The following SPATA6L variants were observed in gnomAD, a reference collection of about 807,000 sequenced individuals.
SPATA6L encodes the protein spermatogenesis associated 6-like protein.
A neutral mutation model predicts 49.2 loss-of-function variants in SPATA6L; 68 were observed. The observed-to-expected ratio is 1.38, with a 90% CI of 1.14 to 1.69. SPATA6L has a LOEUF of 1.69. SPATA6L is among the 40% of genes most tolerant of loss of function. SPATA6L has a pLI of 0.00. For missense variants in SPATA6L, 668 were observed against 464.3 expected, an observed-to-expected ratio of 1.44 and a Z score of -4.03; for synonymous variants, 198 against 165.7, an observed-to-expected ratio of 1.19 and a Z score of -1.50.
At chr9:4,626,677 A>T in intron 5 of SPATA6L, 4 of 865,890 alleles carry the variant, frequency 4.6e-6, no homozygotes, top group Non-Finnish European at 6.3e-6. Flanking sequence ...TGTTACAGTC[A>T]CAAGTTTGGT....
intron 3 of SPATA6L, among the ~76,000 whole-genome samples, chr9:4,639,682 C>T (rs920583767): frequency 3.3e-5 from 5 of 152,214 alleles, no homozygotes; most frequent in African/African-American, 1.2e-4. Flanking sequence ...CAATGTTCTT[C>T]TTAAGAGCTA....
At chr9:4,644,554 C>T (rs896435863) in intron 3 of SPATA6L, among the ~76,000 whole-genome samples, 41 of 151,958 alleles carry the variant, frequency 2.7e-4, no homozygotes, top group African/African-American at 9.4e-4. Context: ...TGTGGGAATG[C>T]TTTTTACAAG....
intron 2 of SPATA6L, among the ~76,000 whole-genome samples, chr9:4,660,095 A>G (rs1396070929): frequency 6.6e-6 from 1 of 152,264 alleles, no homozygotes; most frequent in Non-Finnish European, 1.5e-5. Context: ...AAACCTAAGC[A>G]ATACCATTCA....
chr9:4,659,249 C>T (rs1293433299), intron 2 of SPATA6L, among the ~76,000 whole-genome samples: 4 of 152,146 alleles, frequency 2.6e-5, no homozygotes, highest in South Asian at 4.1e-4. Context: ...TCTTCATCTC[C>T]ACTGTCAACC....
At chr9:4,604,694 A>G (rs1247565866) in intron 10 of SPATA6L, among the ~76,000 whole-genome samples, 1 of 152,256 alleles carries the variant, frequency 6.6e-6, no homozygotes. Flanking sequence ...CTGCAAATCT[A>G]GCATATGTCA....
At chr9:4,663,337 C>G (rs1334727882) in intron 1 of SPATA6L, 2 of 1,472,300 alleles carry the variant, frequency 1.4e-6, no homozygotes, top group East Asian at 2.3e-5. Context: ...AAACCAGCAG[C>G]CATCCCGCTT....
intron 4 of SPATA6L, among the ~76,000 whole-genome samples, chr9:4,634,810 T>G (rs1475262194): frequency 6.6e-6 from 1 of 152,184 alleles, no homozygotes; most frequent in Non-Finnish European, 1.5e-5. Context: ...TCCTTCAAGA[T>G]CCTTCAGTAA....
intron 9 of SPATA6L, among the ~76,000 whole-genome samples, chr9:4,615,384 C>G (rs531493218): frequency 8.5e-5 from 13 of 152,228 alleles, no homozygotes; most frequent in African/African-American, 2.9e-4. Flanking sequence ...TTCCTGCTTT[C>G]CGTCTTAACC....
chr9:4,594,497 C>G (rs1290750277), downstream of SPATA6L, among the ~76,000 whole-genome samples: 1 of 152,230 alleles, frequency 6.6e-6, no homozygotes, highest in Non-Finnish European at 1.5e-5. Flanking sequence ...CAGGTGTGAG[C>G]CACCGCGCCC....
intron 2 of SPATA6L, among the ~76,000 whole-genome samples, chr9:4,659,014 T>C (rs78512542): frequency 0.022 from 3,299 of 149,776 alleles, 108 homozygotes; most frequent in African/African-American, 0.076. Context: ...AATAAGAAAA[T>C]TATTGGGATG....
rs554427648 is a variant in SPATA6L, at chr9:4,639,429, C to T, written c.227-4030G>A. Among the ~76,000 whole-genome samples, 4 of 152,282 alleles carry T rather than the reference C, an allele frequency of 2.6e-5. No individual in the cohort carries two copies. In the East Asian group the frequency reaches 7.7e-4, roughly 29 times the overall value. On this transcript the variant is annotated intron_variant, in intron 3 of 11. Coordinates refer to ENST00000682582, the MANE Select transcript of SPATA6L (RefSeq NM_001353486.2). ...GGAAAATTGAAAGGGAGCTCATACCCTATCTTCAGAATCACAGGAATAAAA... is the reference window on the plus strand; with the variant it reads ...GGAAAATTGAAAGGGAGCTCATACCTTATCTTCAGAATCACAGGAATAAAA...
rs1438198779 is a variant in SPATA6L at position 4,666,300 on chromosome 9, G to A, written c.-50C>T. On this transcript the variant is annotated 5_prime_UTR_variant, in exon 1 of 12. Transcript: ENST00000682582. Reference sequence around the variant, plus strand: ...TGGAATGAGAAGATCCTTTTGTGCCGAGCCTTGGACCAATTTTTCTTAGTT... The same window carrying A: ...TGGAATGAGAAGATCCTTTTGTGCCAAGCCTTGGACCAATTTTTCTTAGTT... 3 of 1,608,024 alleles carry A rather than the reference G, an allele frequency of 1.9e-6. No homozygotes were observed. The highest frequency in any genetic ancestry group is 2.6e-6 in the Non-Finnish European group (3 of 1,174,818).
chr9:4,645,042 G>C (rs1226049909), intron 3 of SPATA6L, among the ~76,000 whole-genome samples: 1 of 152,106 alleles, frequency 6.6e-6, no homozygotes, highest in Admixed American at 6.5e-5. Context: ...AATGAGTATG[G>C]CTATGTTCAA....
chr9:4,653,799 T>C (rs1343365807), intron 3 of SPATA6L, among the ~76,000 whole-genome samples: 4 of 152,152 alleles, frequency 2.6e-5, no homozygotes, highest in Non-Finnish European at 5.9e-5. Context: ...TAGCTAGGCA[T>C]GGTGCTGTGC....
rs748999281 is a variant in SPATA6L at position 4,604,221 on chromosome 9, G to A, written c.1138C>T (p.Pro380Ser). ...VNYIIERPSY[P>S]LKKYSLHEQR... ...TCATGCAGTGAGTATTTCTTCAGAG[G>A]GTAGCTTGGTCTTTCAATGATATAA... Residue 380 changes from proline (P) to serine (S), a missense_variant, in exon 11 of 12, where the codon CCT (proline) becomes TCT (serine). By Grantham distance (74) the Pro-to-Ser change is moderately conservative. Coordinates refer to ENST00000682582, the MANE Select transcript of SPATA6L (RefSeq NM_001353486.2). The A allele has an allele frequency of 9.9e-6, 16 of 1,611,810 alleles. No homozygotes were observed. Among genetic ancestry groups the A allele is most frequent in the Admixed American group, 1.7e-5 (1 of 59,834 alleles).
At chr9:4,620,885 T>G (rs558338575) in intron 7 of SPATA6L, among the ~76,000 whole-genome samples, 3 of 152,296 alleles carry the variant, frequency 2.0e-5, no homozygotes, top group Non-Finnish European at 4.4e-5. Context: ...CAATGCTGCT[T>G]TATAAGCTAC....
intron 3 of SPATA6L, among the ~76,000 whole-genome samples, chr9:4,643,750 AC>A (rs1224790885): frequency 6.6e-6 from 1 of 152,158 alleles, no homozygotes; most frequent in Non-Finnish European, 1.5e-5. Flanking sequence ...CACGTCTGTA[AC>A]CCCAGCACTC....
chr9:4,606,846 G>A (rs1273104155), intron 9 of SPATA6L, among the ~76,000 whole-genome samples: 1 of 147,236 alleles, frequency 6.8e-6, no homozygotes, highest in African/African-American at 2.6e-5. Flanking sequence ...AAATTACTCT[G>A]AGCTACGGGA....
chr9:4,644,503 T>C (rs926655755), intron 3 of SPATA6L, among the ~76,000 whole-genome samples: 2 of 152,092 alleles, frequency 1.3e-5, no homozygotes, highest in African/African-American at 4.8e-5. Flanking sequence ...AAGAAATATG[T>C]TCATCAAAAT....
Sources: allele counts gnomAD v4.1 joint callset (sites outside exome capture counted in the v4.1 genomes callset), GRCh38; gene constraint gnomAD v4.1.1; transcripts MANE v1.5; gene names NCBI Gene and HGNC (gene_info 2026-07-23, HGNC 2026-07-21).